LDLRAD4: variants seen among roughly 807,000 people sequenced by gnomAD.
LDLRAD4 encodes the protein low density lipoprotein receptor class A domain containing 4, also known as low-density lipoprotein receptor class A domain-containing protein 4.
LDLRAD4 carries 5 observed loss-of-function variants against 17.0 expected under a neutral mutation model. That is an observed-to-expected ratio of 0.29 (90% CI 0.15 to 0.62). LDLRAD4 has a LOEUF of 0.62. Among genes scored for constraint, LDLRAD4 ranks in the 20% least tolerant of loss-of-function variants. LDLRAD4 has a pLI of 0.84. For missense variants in LDLRAD4, 340 were observed against 424.7 expected, an observed-to-expected ratio of 0.80 and a Z score of 1.75; for synonymous variants, 168 against 171.8, an observed-to-expected ratio of 0.98 and a Z score of 0.17.
intron 1 of LDLRAD4, among the ~76,000 whole-genome samples, chr18:13,262,024 C>A (rs2043850443): frequency 1.3e-5 from 2 of 149,006 alleles, no homozygotes; most frequent in African/African-American, 5.0e-5. Flanking sequence ...GGGCTGAGTC[C>A]CGTGTGGCTC....
chr18:13,617,243 C>T (rs910238856), intron 3 of LDLRAD4, among the ~76,000 whole-genome samples: 1 of 152,114 alleles, frequency 6.6e-6, no homozygotes, highest in East Asian at 1.9e-4. Flanking sequence ...TTTAGTTTTA[C>T]AGAGAGTAAT....
intron 1 of LDLRAD4, among the ~76,000 whole-genome samples, chr18:13,331,296 C>A (rs1599467049): frequency 6.6e-6 from 1 of 152,198 alleles, no homozygotes; most frequent in African/African-American, 2.4e-5. Flanking sequence ...GGTGTCCATG[C>A]AGAACTACTT....
At chr18:13,417,191 C>T (rs1301156865) in intron 2 of LDLRAD4, among the ~76,000 whole-genome samples, 2 of 152,190 alleles carry the variant, frequency 1.3e-5, no homozygotes, top group Non-Finnish European at 2.9e-5. Context: ...TCACATCTCA[C>T]TGTAGTAGGG....
intron 3 of LDLRAD4, chr18:13,615,102 G>A (rs1417444320): frequency 6.6e-6 from 1 of 152,454 alleles, no homozygotes; most frequent in Non-Finnish European, 1.5e-5. Context: ...GAGGTGGGGT[G>A]CTGCTGTTGG....
intron 3 of LDLRAD4, among the ~76,000 whole-genome samples, chr18:13,577,985 A>T (rs1001196770): frequency 6.6e-6 from 1 of 152,148 alleles, no homozygotes; most frequent in Admixed American, 6.5e-5. Flanking sequence ...CCACACCCAA[A>T]TGAGGCTGAG....
At chr18:13,378,148 G>A (rs1328561440) in intron 1 of LDLRAD4, among the ~76,000 whole-genome samples, 4 of 152,156 alleles carry the variant, frequency 2.6e-5, no homozygotes, top group Admixed American at 6.5e-5. Flanking sequence ...ATTTCTGTAG[G>A]GAACATTGGC....
intron 1 of LDLRAD4, among the ~76,000 whole-genome samples, chr18:13,313,065 C>T (rs1479738717): frequency 2.6e-5 from 4 of 152,076 alleles, no homozygotes; most frequent in African/African-American, 7.2e-5. Flanking sequence ...TGCTGTGTGG[C>T]TTGATGTTTG....
Position 13,621,855 on chromosome 18 carries a change from G to A in LDLRAD4, c.336+584G>A, listed in dbSNP as rs2040680183. 6.6e-6 allele frequency among the ~76,000 whole-genome samples: 1 copy of A among 151,700 alleles called. No homozygotes were observed. Among genetic ancestry groups the A allele is most frequent in the Non-Finnish European group, 1.5e-5 (1 of 67,876 alleles). On this transcript the variant is annotated intron_variant, in intron 4 of 5. Coordinates refer to ENST00000359446, the Ensembl canonical transcript of LDLRAD4. The surrounding 1 kb of genome is among the most constrained non-coding windows in gnomAD (Gnocchi z 5.5). ...GGTAGGGTTGTCGGCGGTGGGTTGT[G>A]GAGGGTGGGGTTGTGGAGGGTGGGG...
intron 1 of LDLRAD4, chr18:13,362,491 A>T (rs1033163005): frequency 2.7e-4 from 41 of 152,250 alleles, no homozygotes; most frequent in African/African-American, 8.7e-4. Flanking sequence ...GGGCAGTCGG[A>T]TTCCAAAACC....
intron 3 of LDLRAD4, among the ~76,000 whole-genome samples, chr18:13,587,231 G>T (rs1415042971): frequency 6.6e-6 from 1 of 152,188 alleles, no homozygotes; most frequent in Non-Finnish European, 1.5e-5. Flanking sequence ...CAGGTTCCCA[G>T]GTGATGCTGA....
At chr18:13,411,344 G>GT (rs35016068) in intron 2 of LDLRAD4, among the ~76,000 whole-genome samples, 55,487 of 151,918 alleles carry the variant, frequency 0.37, 10,402 homozygotes, top group East Asian at 0.61. Flanking sequence ...TAGTTTTGCC[G>GT]TAAGTGCTTA....
chr18:13,379,012 C>T (rs1036487233), intron 1 of LDLRAD4, among the ~76,000 whole-genome samples: 5 of 151,986 alleles, frequency 3.3e-5, no homozygotes, highest in African/African-American at 1.2e-4. Flanking sequence ...CTCCAGCCCT[C>T]ATTAGATCTA....
At chr18:13,604,051 G>C (rs1293115778) in intron 3 of LDLRAD4, among the ~76,000 whole-genome samples, 1 of 152,224 alleles carries the variant, frequency 6.6e-6, no homozygotes, top group Non-Finnish European at 1.5e-5. Context: ...AAATGCTGAA[G>C]ATGAAAACGG....
intron 1 of LDLRAD4, among the ~76,000 whole-genome samples, chr18:13,267,309 T>C (rs1389918282): frequency 6.6e-6 from 1 of 152,320 alleles, no homozygotes; most frequent in East Asian, 1.9e-4. Flanking sequence ...GTTTCACGCG[T>C]GTGTGTGTCT....
At chr18:13,495,819 C>T (rs563632270) in intron 3 of LDLRAD4, among the ~76,000 whole-genome samples, 21 of 152,296 alleles carry the variant, frequency 1.4e-4, no homozygotes, top group African/African-American at 2.6e-4. Flanking sequence ...CTGGATCATA[C>T]GGCAACGTCA....
chr18:13,357,263 G>C (rs2083400701), intron 1 of LDLRAD4, among the ~76,000 whole-genome samples: 1 of 151,752 alleles, frequency 6.6e-6, no homozygotes, highest in African/African-American at 2.4e-5. Context: ...TAATTAATTA[G>C]AGATGAGGTC....
chr18:13,225,631 C>T (rs1038934676), intron 1 of LDLRAD4, among the ~76,000 whole-genome samples: 1 of 152,086 alleles, frequency 6.6e-6, no homozygotes, highest in African/African-American at 2.4e-5. Context: ...ATCTGTGGGA[C>T]AAATAACGTT....
intron 1 of LDLRAD4, among the ~76,000 whole-genome samples, chr18:13,322,784 A>ATT (rs34579599): frequency 2.5e-4 from 33 of 130,430 alleles, no homozygotes; most frequent in African/African-American, 7.2e-4. Flanking sequence ...TACATGGCTA[A>ATT]TTTTTTTTTT....
At position 13,593,855 on chromosome 18, in the gene LDLRAD4, T is replaced by C. The variant is rs191612360; in HGVS notation, c.182-27262T>C. Among the ~76,000 whole-genome samples, 602 of 152,264 alleles carry C rather than the reference T, an allele frequency of 4.0e-3. 4 individuals are homozygous for C. The highest frequency in any genetic ancestry group is 6.4e-3 in the Non-Finnish European group (433 of 68,026). On this transcript the variant is annotated intron_variant, in intron 3 of 5. Transcript: ENST00000359446. The stretch of plus-strand genomic sequence containing the variant: ...CTGGAGTGAAGTAGCTATGTACAAG[T>C]GTGATCATAGCACACTACAGCCTTG...
Sources: allele counts gnomAD v4.1 joint callset (sites outside exome capture counted in the v4.1 genomes callset), GRCh38; gene constraint gnomAD v4.1.1; non-coding constraint Gnocchi (gnomAD v3.1); transcripts MANE v1.5; gene names NCBI Gene and HGNC (gene_info 2026-07-23, HGNC 2026-07-21).